C11orf24: variants seen among roughly 807,000 people sequenced by gnomAD.
C11orf24 encodes uncharacterized protein C11orf24.
A neutral mutation model predicts 7.3 loss-of-function variants in C11orf24; 5 were observed. The observed-to-expected ratio is 0.69, with a 90% confidence interval of 0.36 to 1.45. The LOEUF (loss-of-function observed/expected upper bound fraction) is 1.45. Ranked by LOEUF, C11orf24 falls within the 40% of genes most tolerant of loss-of-function variation. C11orf24 has a pLI of 0.03. For missense variants in C11orf24, 566 were observed against 590.5 expected (o/e 0.96, Z 0.43); for synonymous variants, 233 against 235.7 (o/e 0.99, Z 0.11).
chr11:68,269,728 G>C (rs975537850), intron 1 of C11orf24, among the ~76,000 whole-genome samples: 1 of 152,172 alleles, frequency 6.6e-6, no homozygotes, highest in Admixed American at 6.5e-5. Flanking sequence ...CACTCCACGG[G>C]TTTCTCAGGA....
intron 2 of C11orf24, chr11:68,267,424 G>A: frequency 6.6e-6 from 1 of 152,216 alleles, no homozygotes; most frequent in African/African-American, 2.4e-5. Flanking sequence ...GCTTCTGTGA[G>A]TGCCCACGGC....
intron 3 of C11orf24, 111 bp from the exon 4 acceptor site, chr11:68,263,029 A>G: frequency 1.1e-6 from 1 of 886,264 alleles, no homozygotes; most frequent in Non-Finnish European, 1.7e-6. Flanking sequence ...TCCTCAGCCC[A>G]GCCAGAGTCG....
At chr11:68,269,927 G>A (rs926636332) in intron 1 of C11orf24, among the ~76,000 whole-genome samples, 1 of 152,210 alleles carries the variant, frequency 6.6e-6, no homozygotes, top group Non-Finnish European at 1.5e-5. Context: ...ATCCCATGCG[G>A]GAACCTGTGG....
intron 1 of C11orf24, among the ~76,000 whole-genome samples, chr11:68,269,725 C>T (rs745759951): frequency 2.0e-5 from 3 of 152,204 alleles, no homozygotes; most frequent in African/African-American, 7.2e-5. Flanking sequence ...GGACACTCCA[C>T]GGGTTTCTCA....
intron 2 of C11orf24, among the ~76,000 whole-genome samples, chr11:68,264,538 C>A (rs982004770): frequency 4.8e-5 from 6 of 123,894 alleles, no homozygotes; most frequent in Admixed American, 7.8e-5. Context: ...ATCCATCCAT[C>A]CATCCATCCA....
intron 2 of C11orf24, among the ~76,000 whole-genome samples, chr11:68,265,157 A>C (rs2098564421): frequency 6.6e-6 from 1 of 152,208 alleles, no homozygotes. Flanking sequence ...GCAGGGTCAG[A>C]GGCAAGGAAG....
At chr11:68,266,165 A>G (rs1297239373) in intron 2 of C11orf24, among the ~76,000 whole-genome samples, 1 of 152,236 alleles carries the variant, frequency 6.6e-6, no homozygotes, top group Non-Finnish European at 1.5e-5. Flanking sequence ...ACCAAGTGAC[A>G]TGTGCAGCCA....
At chr11:68,268,949 T>C (rs149743408) in intron 1 of C11orf24, among the ~76,000 whole-genome samples, 2 of 152,190 alleles carry the variant, frequency 1.3e-5, no homozygotes, top group African/African-American at 4.8e-5. Flanking sequence ...CATCAGTAAA[T>C]GAACACGGCA....
intron 3 of C11orf24, 135 bp from the exon 4 acceptor site, chr11:68,263,053 G>A: frequency 4.5e-6 from 3 of 673,506 alleles, no homozygotes; most frequent in Admixed American, 5.6e-5. Flanking sequence ...GAGGTGATGT[G>A]CGAACATGCT....
rs563746092 is a variant in C11orf24 at position 68,268,607 on chromosome 11, G to A, written c.-297-356C>T. 5.9e-5 allele frequency among the ~76,000 whole-genome samples: 9 copies of A among 152,262 alleles called. No individual in the cohort carries two copies. In the South Asian group the frequency reaches 1.2e-3, roughly 21 times the overall value. On this transcript the variant is annotated intron_variant, in intron 1 of 3. Transcript: ENST00000304271. ...CTTGGGAGGCTGAGGCAGGAGAATC[G>A]CTTGAAACCAGAAGGTGGAGGTTGC...
chr11:68,262,107 T>A lies in C11orf24; in HGVS notation c.888A>T (p.Ala296=), dbSNP rs770161393. The A allele has an allele frequency of 6.2e-7, 1 of 1,611,012 alleles. No individual in the cohort carries two copies. The highest frequency in any genetic ancestry group is 2.2e-5 in the East Asian group (1 of 44,736). ...PTPTVVTTTK[A]QAREPTASPV... is the part of the protein sequence containing the mutation. The stretch of plus-strand genomic sequence containing the variant: ...GGCTGGCAGTTGGCTCCCTGGCTTG[T>A]GCCTTGGTGGTGGTCACCACTGTGG... The change falls in exon 4 of 4, where the codon GCA becomes GCT. Residue 296 remains alanine (A), a synonymous_variant. Coordinates refer to ENST00000304271, the MANE Select transcript of C11orf24 (RefSeq NM_022338.4).
chr11:68,263,439 G>C, intron 3 of C11orf24: 1 of 532,372 alleles, frequency 1.9e-6, no homozygotes, highest in Non-Finnish European at 3.3e-6. Flanking sequence ...ATTCAATTTA[G>C]AGATGACATC....
At position 68,271,959 on chromosome 11, in the gene C11orf24, C is replaced by G. The variant is rs1448987424; in HGVS notation, c.-400G>C. 1.3e-5 allele frequency: 2 copies of G among 152,174 alleles called. No individual in the cohort carries two copies. Among genetic ancestry groups the G allele is most frequent in the Non-Finnish European group, 2.9e-5 (2 of 68,020 alleles). 9.4% of individuals were successfully genotyped at this position (152,174 alleles called of 1,614,324 possible). ...GCCGGCAGCGCAACCCAGGCAGCTC[C>G]GGGCAGCGCGCCCTGCCCGGGCCCC... On this transcript the variant is annotated 5_prime_UTR_variant, in exon 1 of 4. Transcript: ENST00000304271.
intron 1 of C11orf24, chr11:68,271,564 C>T (rs2098567975): frequency 1.3e-5 from 2 of 152,690 alleles, no homozygotes; most frequent in Admixed American, 6.5e-5. Context: ...CTTCTCCAGT[C>T]TGGGCCCCCT....
At position 68,262,281 on chromosome 11, in the gene C11orf24, G is replaced by A. The variant is rs2098562219; in HGVS notation, c.714C>T (p.Pro238=). 1 of 1,613,448 alleles carries A rather than the reference G, an allele frequency of 6.2e-7. No homozygotes were observed. Among genetic ancestry groups the A allele is most frequent in the Admixed American group, 1.7e-5 (1 of 60,016 alleles). ...GTACAGGGCTTGCCGCGGTGTCACT[G>A]GGCATGTGCTTGGAAGGACTTGGAC... is the stretch of plus-strand genomic sequence containing the variant. The part of the protein sequence containing the change: ...STRPSPSKHM[P]SDTAASPVPP... The change falls in exon 4 of 4, where the codon CCC becomes CCT. Residue 238 remains proline (P), a synonymous_variant. Transcript: ENST00000304271.
At position 68,268,271 on chromosome 11, in the gene C11orf24, C is replaced by T. The variant is rs1423088198; in HGVS notation, c.-297-20G>A. The T allele has an allele frequency of 1.3e-5, 2 of 152,222 alleles. No homozygotes were observed. The highest frequency in any genetic ancestry group is 4.8e-5 in the African/African-American group (2 of 41,446). 9.4% of individuals were successfully genotyped at this position (152,222 alleles called of 1,614,324 possible). A position where few individuals can be genotyped will look rare whatever the true frequency, so the allele number is the denominator to read the frequency against. On this transcript the variant is annotated intron_variant, in intron 1 of 3. Coordinates refer to ENST00000304271, the MANE Select transcript of C11orf24 (RefSeq NM_022338.4). ...ACGCATCTAGAGTTTGAAAAAAAGT[C>T]CACATTCCTTATGAAAGGCATGAAG...
At chr11:68,267,583 T>C (rs1221759373) in intron 2 of C11orf24, 3 of 152,340 alleles carry the variant, frequency 2.0e-5, no homozygotes, top group Non-Finnish European at 4.4e-5. Flanking sequence ...TCAGATGCAA[T>C]GACTCATGCA....
At chr11:68,266,639 A>C (rs1327567092) in intron 2 of C11orf24, among the ~76,000 whole-genome samples, 1 of 152,146 alleles carries the variant, frequency 6.6e-6, no homozygotes, top group African/African-American at 2.4e-5. Flanking sequence ...GGAGAGAAGA[A>C]ACTAACCAAT....
intron 1 of C11orf24, among the ~76,000 whole-genome samples, chr11:68,271,431 A>T (rs1431951368): frequency 6.6e-6 from 1 of 152,120 alleles, no homozygotes; most frequent in African/African-American, 2.4e-5. Context: ...GTGTCACTCA[A>T]GTAAGAGCGA....
Sources: allele counts gnomAD v4.1 joint callset (sites outside exome capture counted in the v4.1 genomes callset), GRCh38; gene constraint gnomAD v4.1.1; transcripts MANE v1.5; gene names NCBI Gene and HGNC (gene_info 2026-07-23, HGNC 2026-07-21).